SEC22B: variants seen among roughly 807,000 people sequenced by gnomAD.
SEC22B encodes SEC22 homolog B, vesicle trafficking protein.
In SEC22B, 10 loss-of-function variants were observed where a neutral mutation model predicts 31.4. The observed-to-expected ratio is 0.32, with a 90% CI of 0.20 to 0.54. The LOEUF (loss-of-function observed/expected upper bound fraction) is 0.54. Ranked by LOEUF, SEC22B falls within the 20% of genes least tolerant of loss-of-function variation. SEC22B has a pLI of 0.94. For synonymous variants in SEC22B, 60 were observed against 95.9 expected, an observed-to-expected ratio of 0.63 and a Z score of 2.19; for missense variants, 130 against 263.4, an observed-to-expected ratio of 0.49 and a Z score of 3.50.
At chr1:120,171,905 C>T (rs1657900933) in intron 1 of SEC22B, among the ~76,000 whole-genome samples, 1 of 151,386 alleles carries the variant, frequency 6.6e-6, no homozygotes, top group Non-Finnish European at 1.5e-5. Flanking sequence ...TATTTGCATC[C>T]AGTGTATCGA....
intron 1 of SEC22B, among the ~76,000 whole-genome samples, chr1:120,174,213 G>C (rs1657926310): frequency 6.6e-6 from 1 of 152,244 alleles, no homozygotes; most frequent in African/African-American, 2.4e-5. Flanking sequence ...TCTATTATTG[G>C]AGATTTTAAT....
At chr1:120,168,576 T>C (rs1657847941) in intron 2 of SEC22B, among the ~76,000 whole-genome samples, 1 of 151,040 alleles carries the variant, frequency 6.6e-6, no homozygotes, top group Non-Finnish European at 1.5e-5. Flanking sequence ...CATATCTGGC[T>C]CCAAGACAGT....
At chr1:120,168,598 A>C (rs1412376267) in intron 2 of SEC22B, among the ~76,000 whole-genome samples, 29,046 of 150,558 alleles carry the variant, frequency 0.19, 3,260 homozygotes, top group Non-Finnish European at 0.26. Flanking sequence ...CTAAAGCAAG[A>C]AGTTATCTAT....
chr1:120,167,905 T>C lies in SEC22B; in HGVS notation c.185+935A>G, dbSNP rs1320059614. ...TTAAGTGAGTGACTATTTTTGGTGT[T>C]GAAAATTAGAGTTCTAGAAAATATT... On this transcript the variant is annotated intron_variant, in intron 2 of 4. Transcript: ENST00000578049. Among the ~76,000 whole-genome samples, 3 of 152,056 alleles carry C rather than the reference T, an allele frequency of 2.0e-5. No individual in the cohort carries two copies. The East Asian group carries it at 5.8e-4, about 29-fold the overall frequency.
intron 2 of SEC22B, among the ~76,000 whole-genome samples, chr1:120,168,264 T>A (rs1348495063): frequency 6.6e-6 from 1 of 151,788 alleles, no homozygotes. Flanking sequence ...TTGTAGATAA[T>A]TTAAAATCCA....
In SEC22B at chr1:120,157,203, G is replaced by A; in HGVS notation, c.494-11C>T. ...CCTTTGAATCCAATGCTGTCAAAGA[G>A]GAAAAAAGGAAAACATTAATTAGTC... On this transcript the variant is annotated splice_polypyrimidine_tract_variant and intron_variant, in intron 4 of 4. Transcript: ENST00000578049. 2.2e-6 allele frequency: 3 copies of A among 1,377,432 alleles called. No individual in the cohort carries two copies. The highest frequency in any genetic ancestry group is 1.8e-5 in the South Asian group (1 of 55,286). 85.3% of individuals were successfully genotyped at this position (1,377,432 alleles called of 1,614,324 possible).
rs1657624221 is a variant in SEC22B, at chr1:120,156,174, G to T, written c.*864C>A. On this transcript the variant is annotated 3_prime_UTR_variant, in exon 5 of 5. Transcript: ENST00000578049. ...ACTGTGGTAGAGAAAGTAAAGAAGG[G>T]GCAGGAGAAAGCTGTAATTATAACC... 6.6e-6 allele frequency: 1 copy of T among 151,818 alleles called. No individual in the cohort carries two copies. 9.4% of individuals were successfully genotyped at this position (151,818 alleles called of 1,614,324 possible).
At chr1:120,172,949 A>G (rs1440718758) in intron 1 of SEC22B, among the ~76,000 whole-genome samples, 9 of 149,720 alleles carry the variant, frequency 6.0e-5, no homozygotes, top group Admixed American at 3.3e-4. Flanking sequence ...CACAACCACA[A>G]TACTTTTCGT....
Position 120,163,428 on chromosome 1 carries a change from G to C in SEC22B, c.186-58C>G, listed in dbSNP as rs1657751552. 5 of 1,196,100 alleles carry C rather than the reference G, an allele frequency of 4.2e-6. No individual in the cohort carries two copies. In the South Asian group the frequency reaches 1.0e-4, roughly 25 times the overall value. The allele number at this position is 1,196,100 out of a possible 1,614,324, so 74.1% of individuals were successfully genotyped here. A position where few individuals can be genotyped will look rare whatever the true frequency, so the allele number is the denominator to read the frequency against. On this transcript the variant is annotated intron_variant, in intron 2 of 4. Transcript: ENST00000578049. ...CTGTAAAGTAATAGCACTGACAACA[G>C]TTTAAAGCAGAATCTCTGTACCATG...
At chr1:120,163,506 T>C (rs1280489712) in intron 2 of SEC22B, 136 bp from the exon 3 acceptor site, 7 of 406,164 alleles carry the variant, frequency 1.7e-5, no homozygotes, top group Admixed American at 4.5e-5. Flanking sequence ...TAAACGAGAG[T>C]CAATTTAAAA....
chr1:120,168,783 G>T, intron 2 of SEC22B, 57 bp downstream of exon 2: 2 of 575,256 alleles, frequency 3.5e-6, no homozygotes, highest in African/African-American at 3.1e-5. Flanking sequence ...TTTTTATCAG[G>T]CATTCTGTTA....
chr1:120,174,378 T>C (rs1407461323), intron 1 of SEC22B, among the ~76,000 whole-genome samples: 1 of 152,312 alleles, frequency 6.6e-6, no homozygotes, highest in East Asian at 1.9e-4. Flanking sequence ...TTTACAGACA[T>C]TAAAAGTTTA....
At chr1:120,167,316 A>G (rs1292022022) in intron 2 of SEC22B, among the ~76,000 whole-genome samples, 9 of 151,968 alleles carry the variant, frequency 5.9e-5, no homozygotes, top group African/African-American at 2.2e-4. Context: ...ATTCTATCAT[A>G]TATTTTAATA....
At chr1:120,159,762 A>G (rs1468066687) in intron 4 of SEC22B, among the ~76,000 whole-genome samples, 1 of 152,170 alleles carries the variant, frequency 6.6e-6, no homozygotes, top group Admixed American at 6.5e-5. Flanking sequence ...CAGGTCCAGC[A>G]TAAGGCAGAA....
rs1657614693 is a variant in SEC22B at position 120,155,478 on chromosome 1, G to GA, written c.*1559dup. 1 of 149,296 alleles carries GA rather than the reference G, an allele frequency of 6.7e-6. No individual in the cohort carries two copies. Among genetic ancestry groups the GA allele is most frequent in the Non-Finnish European group, 1.5e-5 (1 of 67,230 alleles). The allele number at this position is 149,296 out of a possible 1,614,324, so 9.2% of individuals were successfully genotyped here. A position where few individuals can be genotyped will look rare whatever the true frequency, so the allele number is the denominator to read the frequency against. ...GCAGATTTAGGTCCATAAAAGAAAG[G>GA]AAAAAAATTATTCTAGTTATATAAA... On this transcript the variant is annotated 3_prime_UTR_variant, in exon 5 of 5. Coordinates refer to ENST00000578049, the MANE Select transcript of SEC22B (RefSeq NM_004892.6).
chr1:120,156,874 A>T lies in SEC22B; in HGVS notation c.*164T>A, dbSNP rs2101126263. ...TCTACATAGGGTTAAGCTTCATTAA[A>T]TGAGGTGCAACCTTTCATTTTCAGG... On this transcript the variant is annotated 3_prime_UTR_variant, in exon 5 of 5. Transcript: ENST00000578049. The T allele has an allele frequency of 2.3e-6, 1 of 436,674 alleles. No individual in the cohort carries two copies. Among genetic ancestry groups the T allele is most frequent in the East Asian group, 3.5e-5 (1 of 28,642 alleles). The allele number at this position is 436,674 out of a possible 1,614,324, so 27.0% of individuals were successfully genotyped here. A position where few individuals can be genotyped will look rare whatever the true frequency, so the allele number is the denominator to read the frequency against.
intron 3 of SEC22B, among the ~76,000 whole-genome samples, chr1:120,161,625 G>A (rs1329112989): frequency 6.6e-6 from 1 of 152,068 alleles, no homozygotes; most frequent in Non-Finnish European, 1.5e-5. Flanking sequence ...CTTGAACCTA[G>A]GAGGCAGAGG....
At chr1:120,160,717 G>A (rs1270417497) in intron 3 of SEC22B, among the ~76,000 whole-genome samples, 187 bp from the exon 4 acceptor site, 12 of 151,948 alleles carry the variant, frequency 7.9e-5, no homozygotes, top group South Asian at 2.1e-4. Context: ...GTGAAACCCC[G>A]TCTCTACTAA....
intron 1 of SEC22B, among the ~76,000 whole-genome samples, chr1:120,172,838 A>C (rs1657911220): frequency 1.7e-5 from 2 of 118,404 alleles, no homozygotes; most frequent in Non-Finnish European, 3.2e-5. Context: ...GCAGTGGATC[A>C]GAATAACTGG....
Sources: allele counts gnomAD v4.1 joint callset (sites outside exome capture counted in the v4.1 genomes callset), GRCh38; gene constraint gnomAD v4.1.1; transcripts MANE v1.5; gene names NCBI Gene and HGNC (gene_info 2026-07-23, HGNC 2026-07-21).